Variants in CDH19 observed in about 807,000 individuals in gnomAD.
CDH19 encodes cadherin-19.
A neutral mutation model predicts 64.2 loss-of-function variants in CDH19; 67 were observed. That is an observed-to-expected ratio of 1.04 (90% CI 0.86 to 1.28). The LOEUF is 1.28. Among genes scored for constraint, CDH19 ranks in the 50% most tolerant of loss-of-function variants. The pLI is 0.00. For synonymous variants in CDH19, 346 were observed against 319.3 expected (o/e 1.08, Z -0.89); for missense variants, 1,030 against 929.0 (o/e 1.11, Z -1.41).
chr18:66,590,324 C>T (rs1271677752), intron 1 of CDH19, among the ~76,000 whole-genome samples: 3 of 151,764 alleles, frequency 2.0e-5, no homozygotes, highest in African/African-American at 7.3e-5. Context: ...ATTGACTTGT[C>T]TTACAATAAT....
chr18:66,527,761 T>C (rs2144407430), intron 9 of CDH19, among the ~76,000 whole-genome samples: 1 of 151,588 alleles, frequency 6.6e-6, no homozygotes, highest in Admixed American at 6.6e-5. Flanking sequence ...TCTATATATA[T>C]ATATAAAAAA....
At chr18:66,560,551 A>G (rs909038815) in intron 3 of CDH19, among the ~76,000 whole-genome samples, 1 of 152,074 alleles carries the variant, frequency 6.6e-6, no homozygotes, top group African/African-American at 2.4e-5. Flanking sequence ...TAGAGGGGGA[A>G]AAGCAAAAAT....
chr18:66,548,763 C>G (rs1022935068), intron 5 of CDH19, among the ~76,000 whole-genome samples: 3 of 151,918 alleles, frequency 2.0e-5, no homozygotes, highest in African/African-American at 7.3e-5. Flanking sequence ...TAAGTATGAA[C>G]AATATTTTAA....
intron 9 of CDH19, among the ~76,000 whole-genome samples, chr18:66,520,029 T>C (rs796591889): frequency 1.3e-5 from 2 of 151,678 alleles, no homozygotes; most frequent in Non-Finnish European, 2.9e-5. Flanking sequence ...GCTAAAACTA[T>C]AAAAAATTAG....
chr18:66,575,047 G>T lies in CDH19; in HGVS notation c.-112-2731C>A, dbSNP rs541899372. 2.6e-5 allele frequency among the ~76,000 whole-genome samples: 4 copies of T among 151,906 alleles called. No homozygotes were observed. The South Asian group carries it at 8.3e-4, about 31-fold the overall frequency. ...AAAAAAATTAAGAGGTAAGCCTTTA[G>T]ACACTTAGTGCAATAGTATAAGCAA... On this transcript the variant is annotated intron_variant, in intron 1 of 11. Coordinates refer to ENST00000262150, the MANE Select transcript of CDH19 (RefSeq NM_021153.4).
intron 1 of CDH19, among the ~76,000 whole-genome samples, chr18:66,588,626 CTA>C (rs574404694): frequency 1.8e-5 from 2 of 113,610 alleles, no homozygotes; most frequent in East Asian, 2.5e-4. Context: ...ATATCTATAT[CTA>C]TATATATATA....
chr18:66,561,196 T>G (rs922763202), intron 3 of CDH19, among the ~76,000 whole-genome samples: 4 of 152,118 alleles, frequency 2.6e-5, no homozygotes, highest in Non-Finnish European at 4.4e-5. Context: ...ACAAAGTAAA[T>G]GTTTGAAAAA....
intron 9 of CDH19, among the ~76,000 whole-genome samples, chr18:66,518,305 C>T (rs773728532): frequency 3.3e-5 from 5 of 152,046 alleles, no homozygotes; most frequent in Non-Finnish European, 7.4e-5. Flanking sequence ...GCGATCTCGG[C>T]TCACTACAAC....
chr18:66,570,921 G>C (rs1429635884), intron 2 of CDH19, among the ~76,000 whole-genome samples: 1 of 151,554 alleles, frequency 6.6e-6, no homozygotes, highest in Non-Finnish European at 1.5e-5. Flanking sequence ...ATTCAGTGAT[G>C]GGAGAGTATA....
chr18:66,562,127 G>C (rs147857558), intron 3 of CDH19, among the ~76,000 whole-genome samples: 147 of 151,982 alleles, frequency 9.7e-4, no homozygotes, highest in African/African-American at 3.2e-3. Flanking sequence ...CCATGGTCAG[G>C]GTGGGGAGTG....
chr18:66,549,514 G>A (rs1189582069), intron 5 of CDH19, among the ~76,000 whole-genome samples: 1 of 152,068 alleles, frequency 6.6e-6, no homozygotes, highest in African/African-American at 2.4e-5. Flanking sequence ...GACAACATAT[G>A]TATCATATAC....
chr18:66,513,456 A>G (rs980989133), intron 9 of CDH19, among the ~76,000 whole-genome samples: 2 of 151,602 alleles, frequency 1.3e-5, no homozygotes, highest in African/African-American at 4.8e-5. Flanking sequence ...AAATAGGAAG[A>G]CACAGACATA....
chr18:66,559,950 A>G (rs1987659707), intron 3 of CDH19, among the ~76,000 whole-genome samples: 1 of 152,010 alleles, frequency 6.6e-6, no homozygotes, highest in Non-Finnish European at 1.5e-5. Flanking sequence ...TAACTTGGAA[A>G]GACAATTAAA....
At chr18:66,532,449 G>A in intron 8 of CDH19, 1 of 166,760 alleles carries the variant, frequency 6.0e-6, no homozygotes, top group Non-Finnish European at 1.3e-5. Context: ...GAAAGCAAGG[G>A]AAAATATTTT....
intron 1 of CDH19, among the ~76,000 whole-genome samples, chr18:66,596,506 G>C (rs8087257): frequency 3.3e-5 from 5 of 151,818 alleles, no homozygotes; most frequent in Non-Finnish European, 7.4e-5. Flanking sequence ...TATATACTGA[G>C]AACGTCCATG....
intron 8 of CDH19, chr18:66,532,656 G>C: frequency 2.3e-6 from 1 of 439,354 alleles, no homozygotes; most frequent in Non-Finnish European, 4.6e-6. Context: ...TATTTATCAA[G>C]TAATGGTGAC....
chr18:66,595,556 A>G (rs1988865181), intron 1 of CDH19, among the ~76,000 whole-genome samples: 2 of 150,736 alleles, frequency 1.3e-5, no homozygotes, highest in South Asian at 4.2e-4. Flanking sequence ...CTATGCACAC[A>G]TAGTAGAAAA....
At position 66,551,188 on chromosome 18, in the gene CDH19, C is replaced by T. The variant is rs770350656; in HGVS notation, c.681G>A (p.Lys227=). ...QDEYWVIIQA[K]DMIGQPGALS... ...ACGCTCCTGGCTGACCAATCATGTCCTTGGCTTGAATGATTACCCAATACT... is the reference window on the plus strand; with the variant it reads ...ACGCTCCTGGCTGACCAATCATGTCTTTGGCTTGAATGATTACCCAATACT... The change falls in exon 5 of 12, where the codon AAG becomes AAA. Residue 227 remains lysine, a synonymous_variant. Coordinates refer to ENST00000262150, the MANE Select transcript of CDH19 (RefSeq NM_021153.4). 20 of 1,598,196 alleles carry T rather than the reference C, an allele frequency of 1.3e-5. No homozygotes were observed. The highest frequency in any genetic ancestry group is 1.2e-5 in the Non-Finnish European group (14 of 1,166,022).
intron 9 of CDH19, among the ~76,000 whole-genome samples, chr18:66,524,245 A>AT (rs922931731): frequency 4.0e-5 from 6 of 151,764 alleles, no homozygotes; most frequent in African/African-American, 9.7e-5. Context: ...ACCTGTAAAT[A>AT]TTTTTTAAAA....
Sources: gnomAD v4.1 joint callset for allele counts (sites outside exome capture counted in the v4.1 genomes callset) on GRCh38, gnomAD v4.1.1 for gene constraint, MANE v1.5 for transcripts, NCBI Gene and HGNC (gene_info 2026-07-23, HGNC 2026-07-21) for gene names.